The following RSRC1 variants were observed in gnomAD, a reference collection of about 807,000 sequenced individuals.
The protein encoded by RSRC1 is arginine and serine rich coiled-coil 1.
A neutral mutation model predicts 49.1 loss-of-function variants in RSRC1; 39 were observed. That is an observed-to-expected ratio of 0.79 (90% CI 0.61 to 1.04). The LOEUF (loss-of-function observed/expected upper bound fraction) is 1.04, where lower values mean the gene tolerates loss of function less well. Among genes scored for constraint, RSRC1 ranks in the 50% least tolerant of loss-of-function variants. The pLI is 0.00. For synonymous variants in RSRC1, 143 were observed against 130.8 expected, an observed-to-expected ratio of 1.09 and a Z score of -0.63; for missense variants, 388 against 402.4, an observed-to-expected ratio of 0.96 and a Z score of 0.31.
At chr3:158,176,754 A>G (rs1234175065) in intron 3 of RSRC1, among the ~76,000 whole-genome samples, 1 of 152,220 alleles carries the variant, frequency 6.6e-6, no homozygotes, top group Admixed American at 6.5e-5. Flanking sequence ...TTCATGACTA[A>G]AACACCAAAC....
At chr3:158,274,269 T>A (rs1409065991) in intron 4 of RSRC1, among the ~76,000 whole-genome samples, 1 of 152,154 alleles carries the variant, frequency 6.6e-6, no homozygotes, top group Non-Finnish European at 1.5e-5. Context: ...CCTGTAAAAC[T>A]GATTATTCAA....
chr3:158,334,090 C>G (rs571472144), intron 5 of RSRC1, among the ~76,000 whole-genome samples: 15 of 152,108 alleles, frequency 9.9e-5, no homozygotes, highest in African/African-American at 3.4e-4. Context: ...AAAAAATGTG[C>G]TGATACTTAA....
At chr3:158,119,425 A>T (rs180774645) in intron 1 of RSRC1, among the ~76,000 whole-genome samples, 7 of 152,112 alleles carry the variant, frequency 4.6e-5, no homozygotes, top group African/African-American at 1.4e-4. Flanking sequence ...TAATTTCTTT[A>T]ATCTTATTTT....
At chr3:158,423,126 G>T (rs997833145) in intron 6 of RSRC1, among the ~76,000 whole-genome samples, 3 of 151,694 alleles carry the variant, frequency 2.0e-5, no homozygotes, top group Admixed American at 2.0e-4. Flanking sequence ...ATTGCTTTTG[G>T]TGTTTTAGAC....
chr3:158,369,087 A>G (rs1218786354), intron 6 of RSRC1, among the ~76,000 whole-genome samples: 1 of 152,124 alleles, frequency 6.6e-6, no homozygotes, highest in Non-Finnish European at 1.5e-5. Context: ...TTCATGAAGT[A>G]TTTAAAATAA....
intron 4 of RSRC1, among the ~76,000 whole-genome samples, chr3:158,295,477 A>G (rs938893256): frequency 1.3e-5 from 2 of 152,140 alleles, no homozygotes; most frequent in African/African-American, 2.4e-5. Context: ...ATGAATTGAC[A>G]TGAGACAAGG....
At chr3:158,276,221 G>A in intron 4 of RSRC1, 1 of 780,898 alleles carries the variant, frequency 1.3e-6, no homozygotes, top group South Asian at 1.3e-5. Flanking sequence ...GGCCACCATG[G>A]CGAATACGAA....
chr3:158,485,409 C>G (rs1018117679), intron 7 of RSRC1, among the ~76,000 whole-genome samples: 1 of 152,030 alleles, frequency 6.6e-6, no homozygotes. Flanking sequence ...CTTTTAAAAT[C>G]TAACACAAAG....
chr3:158,405,609 A>C (rs1734124110), intron 6 of RSRC1, among the ~76,000 whole-genome samples: 3 of 152,142 alleles, frequency 2.0e-5, no homozygotes, highest in Non-Finnish European at 4.4e-5. Context: ...AGGCTTTTAC[A>C]TGGAAACAAA....
chr3:158,289,141 C>T (rs1726762094), intron 4 of RSRC1, among the ~76,000 whole-genome samples: 1 of 152,032 alleles, frequency 6.6e-6, no homozygotes, highest in Non-Finnish European at 1.5e-5. Flanking sequence ...GTCTAAAAGA[C>T]CTCTTTTATT....
chr3:158,399,122 C>A (rs1287418651), intron 6 of RSRC1, among the ~76,000 whole-genome samples: 1 of 44,840 alleles, frequency 2.2e-5, no homozygotes, highest in Admixed American at 3.2e-4. Context: ...ACTATTATTT[C>A]CTTTTTTTTT....
At chr3:158,509,456 C>G (rs1740035654) in intron 7 of RSRC1, among the ~76,000 whole-genome samples, 1 of 152,102 alleles carries the variant, frequency 6.6e-6, no homozygotes, top group African/African-American at 2.4e-5. Flanking sequence ...GCAGAATTCT[C>G]TCTATGCTTT....
chr3:158,432,486 T>C (rs1735818528), intron 6 of RSRC1, among the ~76,000 whole-genome samples: 1 of 151,904 alleles, frequency 6.6e-6, no homozygotes, highest in East Asian at 2.0e-4. Context: ...TTGTCCCTCC[T>C]TGGTGTACTA....
chr3:158,333,062 G>A (rs557870413), intron 5 of RSRC1, among the ~76,000 whole-genome samples: 7 of 150,426 alleles, frequency 4.7e-5, no homozygotes, highest in Middle Eastern at 3.4e-3. Context: ...TCCGCCTCCC[G>A]GGTTCACGCC....
At chr3:158,252,492 C>T (rs1487250534) in intron 4 of RSRC1, among the ~76,000 whole-genome samples, 1 of 152,146 alleles carries the variant, frequency 6.6e-6, no homozygotes, top group Non-Finnish European at 1.5e-5. Context: ...ATTCAGTTTG[C>T]TAGTATTTTG....
At chr3:158,232,704 A>G (rs1361540698) in intron 4 of RSRC1, among the ~76,000 whole-genome samples, 5 of 152,068 alleles carry the variant, frequency 3.3e-5, no homozygotes, top group Non-Finnish European at 7.4e-5. Context: ...GCACGGCATA[A>G]TTTTAGATAA....
intron 8 of RSRC1, among the ~76,000 whole-genome samples, chr3:158,542,353 A>T (rs1189853495): frequency 2.6e-5 from 4 of 152,204 alleles, no homozygotes; most frequent in Non-Finnish European, 5.9e-5. Context: ...CAACATGGCA[A>T]GACACCGTCT....
chr3:158,268,832 T>C (rs1005800918), intron 4 of RSRC1, among the ~76,000 whole-genome samples: 2 of 152,214 alleles, frequency 1.3e-5, no homozygotes, highest in South Asian at 4.1e-4. Flanking sequence ...AGTTTAAATT[T>C]ATATCTCTAT....
chr3:158,118,413 C>CTGTGTG (rs57257889), intron 1 of RSRC1, among the ~76,000 whole-genome samples: 2,147 of 90,044 alleles, frequency 0.024, 51 homozygotes, highest in Middle Eastern at 0.047. Context: ...ACCTGGCCTT[C>CTGTGTG]TGTGTGTGTG....
Sources: allele counts gnomAD v4.1 joint callset (sites outside exome capture counted in the v4.1 genomes callset), GRCh38; gene constraint gnomAD v4.1.1; transcripts MANE v1.5; gene names NCBI Gene and HGNC (gene_info 2026-07-23, HGNC 2026-07-21).